The following IMMP2L variants were observed in gnomAD, a reference collection of about 807,000 sequenced individuals.
IMMP2L encodes inner mitochondrial membrane peptidase subunit 2.
IMMP2L carries 18 observed loss-of-function variants against 19.3 expected under a neutral mutation model. The ratio of observed to expected loss-of-function variants is 0.93; its 90% CI spans 0.64 to 1.38. IMMP2L has a LOEUF of 1.38. Among genes scored for constraint, IMMP2L ranks in the 40% most tolerant of loss-of-function variants. The probability of loss-of-function intolerance (pLI) is 0.00; values close to 1 mark genes in which losing one functional copy is unlikely to be tolerated. For synonymous variants in IMMP2L, 76 were observed against 73.0 expected (o/e 1.04, Z -0.21); for missense variants, 233 against 218.2 (o/e 1.07, Z -0.43).
Position 111,429,552 on chromosome 7 carries a change from T to TA in IMMP2L, c.239+57685dup, listed in dbSNP as rs111425235. Among the ~76,000 whole-genome samples the TA allele has an allele frequency of 4.1e-4, 61 of 147,828 alleles. 2 individuals are homozygous for TA. The highest frequency in any genetic ancestry group is 1.2e-3 in the African/African-American group (48 of 40,340). ...TAATAAAGGCACTAAAAGTTAGCTT[T>TA]AAAAAAAAAAATCAACATAGAATTC... On this transcript the variant is annotated intron_variant, in intron 3 of 5. Transcript: ENST00000405709.
At chr7:111,217,124 T>TCACACA (rs1281616330) in intron 3 of IMMP2L, among the ~76,000 whole-genome samples, 35 of 102,726 alleles carry the variant, frequency 3.4e-4, no homozygotes, top group African/African-American at 1.0e-3. Flanking sequence ...TCTCTCTCTC[T>TCACACA]CTCACACACA....
chr7:110,768,853 C>T (rs1308217393), intron 5 of IMMP2L, among the ~76,000 whole-genome samples: 2 of 152,174 alleles, frequency 1.3e-5, no homozygotes, highest in Non-Finnish European at 2.9e-5. Context: ...TAGTCCGTTC[C>T]TGTTTACCCA....
intron 3 of IMMP2L, among the ~76,000 whole-genome samples, chr7:111,011,622 G>A (rs1824966160): frequency 1.3e-5 from 2 of 152,170 alleles, no homozygotes; most frequent in African/African-American, 4.8e-5. Context: ...CCAATATGAT[G>A]TGAGAGTTTG....
intron 3 of IMMP2L, among the ~76,000 whole-genome samples, chr7:111,472,332 T>C (rs2132117042): frequency 6.6e-6 from 1 of 152,266 alleles, no homozygotes; most frequent in Non-Finnish European, 1.5e-5. Flanking sequence ...CAACCATTAT[T>C]ATCTGCCATT....
chr7:111,371,228 CT>C lies in IMMP2L; in HGVS notation c.239+116009del, dbSNP rs1163221045. On this transcript the variant is annotated intron_variant, in intron 3 of 5. Coordinates refer to ENST00000405709, the MANE Select transcript of IMMP2L (RefSeq NM_032549.4). Reference sequence around the variant, plus strand: ...CTTCTTCACTAATCTACTAATTTCTCTGTACGACTTTTCCCATTCTCTCGTG... The same window carrying C: ...CTTCTTCACTAATCTACTAATTTCTCGTACGACTTTTCCCATTCTCTCGTG... Among the ~76,000 whole-genome samples the C allele has an allele frequency of 2.6e-5, 4 of 152,102 alleles. No individual in the cohort carries two copies. In the East Asian group the frequency reaches 7.7e-4, roughly 29 times the overall value.
At chr7:111,390,817 A>C (rs1832278391) in intron 3 of IMMP2L, 1 of 152,162 alleles carries the variant, frequency 6.6e-6, no homozygotes, top group Non-Finnish European at 1.5e-5. Flanking sequence ...CAGTGGGGCT[A>C]AATTTCAATT....
intron 3 of IMMP2L, chr7:111,124,958 A>G: frequency 1.7e-6 from 2 of 1,180,614 alleles, no homozygotes; most frequent in Admixed American, 2.6e-5. Context: ...GAAAGACTGC[A>G]GTTGTGCTAA....
chr7:111,360,497 G>A (rs779433610), intron 3 of IMMP2L, among the ~76,000 whole-genome samples: 23 of 151,916 alleles, frequency 1.5e-4, no homozygotes, highest in Non-Finnish European at 2.1e-4. Context: ...GTTTGTATTC[G>A]GCCAGATATT....
At chr7:111,319,821 G>T (rs1260173189) in intron 3 of IMMP2L, among the ~76,000 whole-genome samples, 3 of 151,866 alleles carry the variant, frequency 2.0e-5, no homozygotes, top group Admixed American at 1.3e-4. Flanking sequence ...CCATTTCCAG[G>T]TAATGCCCAA....
intron 2 of IMMP2L, among the ~76,000 whole-genome samples, chr7:111,501,253 C>T (rs1484243143): frequency 1.8e-4 from 27 of 151,744 alleles, no homozygotes; most frequent in Middle Eastern, 3.4e-3. Flanking sequence ...TGAAATGAAG[C>T]GAGAAGGGAA....
intron 3 of IMMP2L, among the ~76,000 whole-genome samples, chr7:111,431,034 G>A (rs1207355283): frequency 1.3e-5 from 2 of 151,790 alleles, no homozygotes; most frequent in African/African-American, 4.9e-5. Flanking sequence ...TTGAACCTAG[G>A]AGACAGAGAT....
chr7:111,133,658 C>A (rs1425164371), intron 3 of IMMP2L, among the ~76,000 whole-genome samples: 1 of 151,936 alleles, frequency 6.6e-6, no homozygotes, highest in Non-Finnish European at 1.5e-5. Context: ...TATAAGGGTA[C>A]AAAGATTCGT....
intron 3 of IMMP2L, among the ~76,000 whole-genome samples, chr7:111,408,745 A>C (rs542057695): frequency 3.7e-4 from 56 of 151,804 alleles, no homozygotes; most frequent in Admixed American, 6.6e-4. Flanking sequence ...GACAGCTGAT[A>C]ACCACATTGT....
chr7:111,556,721 G>C (rs1791406692), intron 1 of IMMP2L, among the ~76,000 whole-genome samples: 1 of 151,992 alleles, frequency 6.6e-6, no homozygotes, highest in Admixed American at 6.6e-5. Flanking sequence ...CATTCTCTAA[G>C]ACTAATTTTT....
At chr7:110,928,508 A>G (rs932798600) in intron 4 of IMMP2L, among the ~76,000 whole-genome samples, 3 of 150,510 alleles carry the variant, frequency 2.0e-5, no homozygotes, top group Non-Finnish European at 4.4e-5. Flanking sequence ...ATGATTTTTA[A>G]AAGTTCAGTG....
At chr7:111,004,624 A>G (rs902322940) in intron 3 of IMMP2L, among the ~76,000 whole-genome samples, 1 of 152,116 alleles carries the variant, frequency 6.6e-6, no homozygotes, top group Non-Finnish European at 1.5e-5. Flanking sequence ...AATTAAAGCA[A>G]TATCATGGCC....
intron 3 of IMMP2L, among the ~76,000 whole-genome samples, chr7:111,347,765 C>G (rs1827718096): frequency 6.6e-6 from 1 of 151,972 alleles, no homozygotes; most frequent in South Asian, 2.1e-4. Context: ...AAAGAAAAGC[C>G]ATTCCTGCAA....
At chr7:110,954,117 G>A (rs998024702) in intron 4 of IMMP2L, among the ~76,000 whole-genome samples, 10 of 151,942 alleles carry the variant, frequency 6.6e-5, no homozygotes, top group African/African-American at 2.4e-4. Context: ...TTCTTTTTAT[G>A]TTTTATGCTT....
intron 3 of IMMP2L, among the ~76,000 whole-genome samples, chr7:111,030,188 T>A (rs955163803): frequency 1.3e-5 from 2 of 152,294 alleles, no homozygotes; most frequent in African/African-American, 4.8e-5. Context: ...TTGCATCTAA[T>A]CACTAGCAGA....
Sources: allele counts gnomAD v4.1 joint callset (sites outside exome capture counted in the v4.1 genomes callset), GRCh38; gene constraint gnomAD v4.1.1; transcripts MANE v1.5; gene names NCBI Gene and HGNC (gene_info 2026-07-23, HGNC 2026-07-21).